CAPN13: variants seen among roughly 807,000 people sequenced by gnomAD.
The protein encoded by CAPN13 is calpain 13.
In CAPN13, 90 loss-of-function variants were observed where a neutral mutation model predicts 98.4. That is an observed-to-expected ratio of 0.92 (90% CI 0.77 to 1.09). The LOEUF (loss-of-function observed/expected upper bound fraction) is 1.09. CAPN13 is among the 50% of genes least tolerant of loss of function. The pLI, the probability that CAPN13 is intolerant of heterozygous loss-of-function variation, is 0.00. For missense variants in CAPN13, 887 were observed against 841.3 expected, an observed-to-expected ratio of 1.05 and a Z score of -0.67; for synonymous variants, 330 against 305.5, an observed-to-expected ratio of 1.08 and a Z score of -0.84.
intron 1 of CAPN13, among the ~76,000 whole-genome samples, chr2:30,794,126 C>G (rs557442647): frequency 1.0e-3 from 154 of 151,546 alleles, no homozygotes; most frequent in African/African-American, 3.5e-3. Context: ...AAATTTCAGA[C>G]TACGTGAAAA....
intron 1 of CAPN13, among the ~76,000 whole-genome samples, chr2:30,791,929 A>T (rs1233073076): frequency 6.6e-6 from 1 of 152,202 alleles, no homozygotes; most frequent in East Asian, 1.9e-4. Context: ...TACACAGATA[A>T]ATCACCTAAA....
intron 7 of CAPN13, 40 bp from the exon 8 acceptor site, chr2:30,758,177 C>G (rs750323136): frequency 9.6e-6 from 14 of 1,455,930 alleles, no homozygotes; most frequent in Non-Finnish European, 1.1e-5. Context: ...TGCTCTACAG[C>G]AAAAGTCAGC....
chr2:30,763,109 A>G lies in CAPN13; in HGVS notation c.747T>C (p.His249=), dbSNP rs761626460. The G allele has an allele frequency of 6.2e-6, 10 of 1,611,262 alleles. No individual in the cohort carries two copies. The Admixed American group carries it at 1.5e-4, about 24-fold the overall frequency. The change falls in exon 7 of 23, where the codon CAT becomes CAC. Residue 249 remains histidine, a synonymous_variant. Transcript: ENST00000295055. ...QAMENGLVSL[H]AYTVTGAEQI... ...GCTCAGCCCCAGTCACAGTGTAGGCATGGAGACTCACCAGCCCATTCTCCA... is the reference window on the plus strand; with the variant it reads ...GCTCAGCCCCAGTCACAGTGTAGGCGTGGAGACTCACCAGCCCATTCTCCA...
chr2:30,725,551 G>A (rs935502927), intron 22 of CAPN13, among the ~76,000 whole-genome samples: 3 of 152,216 alleles, frequency 2.0e-5, no homozygotes, highest in African/African-American at 7.2e-5. Flanking sequence ...CAAGTAGACT[G>A]GTGATGGAGC....
intron 15 of CAPN13, among the ~76,000 whole-genome samples, chr2:30,741,006 T>C (rs1394292775): frequency 6.6e-6 from 1 of 152,148 alleles, no homozygotes; most frequent in East Asian, 1.9e-4. Context: ...GCATATAATA[T>C]CATCCCTGCC....
At chr2:30,775,713 A>G (rs1673651789) in intron 4 of CAPN13, among the ~76,000 whole-genome samples, 1 of 152,156 alleles carries the variant, frequency 6.6e-6, no homozygotes, top group African/African-American at 2.4e-5. Context: ...CATTTCTGTC[A>G]TTTCTTTTTA....
At chr2:30,768,538 A>G (rs367553770) in intron 5 of CAPN13, among the ~76,000 whole-genome samples, 1 of 152,182 alleles carries the variant, frequency 6.6e-6, no homozygotes, top group Non-Finnish European at 1.5e-5. Context: ...GACCAGCCCC[A>G]TGAGAGTCCC....
chr2:30,785,154 A>G (rs1321651084), intron 2 of CAPN13, among the ~76,000 whole-genome samples: 1 of 152,204 alleles, frequency 6.6e-6, no homozygotes, highest in Admixed American at 6.5e-5. Context: ...GTACTTGTTC[A>G]TCCAAATTCC....
chr2:30,800,594 G>C (rs1675213029), intron 1 of CAPN13, among the ~76,000 whole-genome samples: 1 of 152,206 alleles, frequency 6.6e-6, no homozygotes, highest in Non-Finnish European at 1.5e-5. Flanking sequence ...AAGGAGGTTG[G>C]TCTCGCACTT....
intron 16 of CAPN13, 43 bp from the exon 17 acceptor site, chr2:30,738,336 G>C: frequency 6.2e-7 from 1 of 1,613,204 alleles, no homozygotes; most frequent in South Asian, 1.1e-5. Flanking sequence ...TTGACAGTGG[G>C]GTGTGGGGTG....
chr2:30,758,455 A>G (rs752886632), intron 7 of CAPN13, among the ~76,000 whole-genome samples: 2 of 152,146 alleles, frequency 1.3e-5, no homozygotes, highest in Admixed American at 6.5e-5. Context: ...ACAGCAGGGG[A>G]TGTTGCTTCG....
At position 30,751,138 on chromosome 2, in the gene CAPN13, CT is replaced by C; in HGVS notation, c.1200del (p.Asp401MetfsTer10). ...TGGAAATCGAGTGGAAATTTTGCAT[CT>C]TCTGCTTTCAAATTTGATGGTGTGA... The part of the protein sequence containing the change: ...VAVTPSNLKA[E>X]DAKFPLDFQV... On this transcript the variant is annotated frameshift_variant, in exon 11 of 23. Coordinates refer to ENST00000295055, the MANE Select transcript of CAPN13 (RefSeq NM_144575.3). LOFTEE classifies it high-confidence loss of function. 1 of 1,613,884 alleles carries C rather than the reference CT, an allele frequency of 6.2e-7. No individual in the cohort carries two copies. Among genetic ancestry groups the C allele is most frequent in the East Asian group, 2.2e-5 (1 of 44,880 alleles).
At chr2:30,742,433 C>A in intron 13 of CAPN13, 74 bp from the exon 14 acceptor site, 1 of 1,508,742 alleles carries the variant, frequency 6.6e-7, no homozygotes, top group South Asian at 1.2e-5. Flanking sequence ...TAGAGGGCAC[C>A]CAGGTGGCAC....
intron 1 of CAPN13, among the ~76,000 whole-genome samples, chr2:30,801,178 G>A (rs1208047868): frequency 6.6e-6 from 1 of 152,160 alleles, no homozygotes; most frequent in Non-Finnish European, 1.5e-5. Flanking sequence ...AACCGCAGAA[G>A]GCTAGGTTTG....
At chr2:30,736,464 A>G (rs1384975528) in intron 18 of CAPN13, 39 bp downstream of exon 18, 2 of 1,602,164 alleles carry the variant, frequency 1.2e-6, no homozygotes, top group Non-Finnish European at 1.7e-6. Flanking sequence ...TGCTAACTGG[A>G]CAGAATGAGA....
chr2:30,752,222 T>A (rs1421088330), intron 10 of CAPN13, among the ~76,000 whole-genome samples: 3 of 152,136 alleles, frequency 2.0e-5, no homozygotes. Context: ...AAACCAACCA[T>A]CCCGACAGGC....
At chr2:30,757,146 C>T (rs1056603791) in intron 8 of CAPN13, among the ~76,000 whole-genome samples, 3 of 152,166 alleles carry the variant, frequency 2.0e-5, no homozygotes, top group Admixed American at 6.5e-5. Flanking sequence ...GCCCCACGGG[C>T]GATGATGCAG....
intron 2 of CAPN13, among the ~76,000 whole-genome samples, chr2:30,785,764 T>G (rs1674240783): frequency 6.6e-6 from 1 of 152,158 alleles, no homozygotes; most frequent in Non-Finnish European, 1.5e-5. Context: ...ATCCCACCAC[T>G]TTCTGAAATA....
At chr2:30,794,529 C>T (rs1674759665) in intron 1 of CAPN13, among the ~76,000 whole-genome samples, 3 of 151,880 alleles carry the variant, frequency 2.0e-5, no homozygotes, top group African/African-American at 7.2e-5. Flanking sequence ...CAAAATGATC[C>T]AGCCATTCCA....
Sources: gnomAD v4.1 joint callset for allele counts (sites outside exome capture counted in the v4.1 genomes callset) on GRCh38, gnomAD v4.1.1 for gene constraint, MANE v1.5 for transcripts, NCBI Gene and HGNC (gene_info 2026-07-23, HGNC 2026-07-21) for gene names.